The following AGK variants were observed in gnomAD, a reference collection of about 807,000 sequenced individuals.
AGK encodes acylglycerol kinase, mitochondrial.
Under a neutral mutation model 66.4 loss-of-function variants are expected in AGK, and 52 were observed. That is an observed-to-expected ratio of 0.78 (90% CI 0.63 to 0.99). The LOEUF (loss-of-function observed/expected upper bound fraction) is 0.99. Ranked by LOEUF, AGK falls within the 50% of genes least tolerant of loss-of-function variation. AGK has a pLI of 0.00. For missense variants in AGK, 451 were observed against 506.6 expected, an observed-to-expected ratio of 0.89 and a Z score of 1.05; for synonymous variants, 182 against 181.1, an observed-to-expected ratio of 1.00 and a Z score of -0.04.
At chr7:141,584,022 T>C (rs1162351518) in intron 2 of AGK, among the ~76,000 whole-genome samples, 2 of 151,624 alleles carry the variant, frequency 1.3e-5, no homozygotes, top group Admixed American at 1.3e-4. Context: ...GGTCCCTTGA[T>C]CTGAGTCATG....
chr7:141,615,562 T>C lies in AGK; in HGVS notation c.515T>C (p.Val172Ala). 1.2e-6 allele frequency: 2 copies of C among 1,611,992 alleles called. No individual in the cohort carries two copies. Among genetic ancestry groups the C allele is most frequent in the Non-Finnish European group, 1.7e-6 (2 of 1,178,128 alleles). The change falls in exon 8 of 16, where the codon GTC (valine) becomes GCC (alanine). Residue 172 changes from valine (V) to alanine (A), a missense_variant. Physicochemically the swap from Val to Ala is moderately conservative, Grantham distance 64. Transcript: ENST00000649286. ...CTCTTTGCCGAAAGTGGAAACAAAG[T>C]CCAGTAGGTTGTCAATGTGGGGAAT... is the stretch of plus-strand genomic sequence containing the variant. ...HTLFAESGNKVQHITDATLAI... is the reference protein window; with the variant it reads ...HTLFAESGNKAQHITDATLAI...
At chr7:141,559,727 A>G (rs946918364) in intron 2 of AGK, among the ~76,000 whole-genome samples, 5 of 152,134 alleles carry the variant, frequency 3.3e-5, no homozygotes, top group African/African-American at 1.2e-4. Flanking sequence ...TAATTTATGA[A>G]CACGGGATGT....
At chr7:141,604,119 A>T (rs1203340704) in intron 5 of AGK, among the ~76,000 whole-genome samples, 1 of 151,898 alleles carries the variant, frequency 6.6e-6, no homozygotes, top group African/African-American at 2.4e-5. Context: ...GAGATTAAAA[A>T]ATAAATAGAA....
At chr7:141,608,747 G>A (rs1230942804) in intron 5 of AGK, among the ~76,000 whole-genome samples, 3 of 152,196 alleles carry the variant, frequency 2.0e-5, no homozygotes, top group Non-Finnish European at 4.4e-5. Flanking sequence ...TTTCTAGCAT[G>A]TTGTTTCCAC....
At chr7:141,590,400 T>A (rs1796086841) in intron 2 of AGK, among the ~76,000 whole-genome samples, 1 of 151,936 alleles carries the variant, frequency 6.6e-6, no homozygotes. Context: ...TTAGGAGAGA[T>A]TGGAGGTACA....
At chr7:141,557,443 G>C (rs1795234165) in intron 2 of AGK, among the ~76,000 whole-genome samples, 1 of 152,216 alleles carries the variant, frequency 6.6e-6, no homozygotes. Flanking sequence ...AGGCCCCTTT[G>C]CTGGAGCATC....
At chr7:141,618,320 A>G (rs1796750224) in intron 8 of AGK, among the ~76,000 whole-genome samples, 1 of 152,202 alleles carries the variant, frequency 6.6e-6, no homozygotes, top group Admixed American at 6.5e-5. Flanking sequence ...TCATTTTGTG[A>G]CATGCTGGCT....
chr7:141,577,991 T>C (rs1447098136), intron 2 of AGK, among the ~76,000 whole-genome samples: 3 of 151,974 alleles, frequency 2.0e-5, no homozygotes, highest in Non-Finnish European at 4.4e-5. Flanking sequence ...TTTTTTGGAA[T>C]TTTTAGTAGA....
chr7:141,582,157 C>A (rs1185309226), intron 2 of AGK, among the ~76,000 whole-genome samples: 1 of 151,914 alleles, frequency 6.6e-6, no homozygotes, highest in African/African-American at 2.4e-5. Flanking sequence ...GTCCAATTTC[C>A]AGTGGGGTCC....
intron 5 of AGK, among the ~76,000 whole-genome samples, chr7:141,602,260 C>T (rs888216841): frequency 4.0e-5 from 6 of 149,696 alleles, no homozygotes; most frequent in Non-Finnish European, 5.9e-5. Flanking sequence ...TCTTGAACTC[C>T]TGGACTCAAG....
chr7:141,576,479 T>C (rs1409770065), intron 2 of AGK, among the ~76,000 whole-genome samples: 1 of 150,948 alleles, frequency 6.6e-6, no homozygotes, highest in Non-Finnish European at 1.5e-5. Context: ...ACAGAACAGG[T>C]AACTCAGGAT....
chr7:141,597,638 A>T (rs1433924319), intron 4 of AGK, among the ~76,000 whole-genome samples: 1 of 152,080 alleles, frequency 6.6e-6, no homozygotes, highest in Non-Finnish European at 1.5e-5. Context: ...TGAGAGCCTG[A>T]GGTGGGCAGA....
intron 5 of AGK, among the ~76,000 whole-genome samples, chr7:141,609,077 A>T (rs1796522140): frequency 6.6e-6 from 1 of 152,194 alleles, no homozygotes; most frequent in Admixed American, 6.5e-5. Flanking sequence ...GGAACTATTC[A>T]TCCTAAAATT....
intron 2 of AGK, among the ~76,000 whole-genome samples, chr7:141,567,058 A>C (rs137891261): frequency 6.6e-6 from 1 of 152,090 alleles, no homozygotes; most frequent in Non-Finnish European, 1.5e-5. Flanking sequence ...GATACTTTTC[A>C]TGCCACATTT....
Position 141,560,795 on chromosome 7 carries a change from C to CTTTTT in AGK, c.101+5243_101+5247dup, listed in dbSNP as rs71172604. ...CAGGTTGCTGCAAGTGCCATTCTTT[C>CTTTTT]TTTTTTTTTTTTTTTTTTTGAGCCG... is the stretch of plus-strand genomic sequence containing the variant. On this transcript the variant is annotated intron_variant, in intron 2 of 15. Transcript: ENST00000649286. Among the ~76,000 whole-genome samples the CTTTTT allele has an allele frequency of 2.1e-3, 265 of 123,948 alleles. 2 individuals carry two copies. The highest frequency in any genetic ancestry group is 0.011 in the East Asian group (45 of 4,268). 81.3% of individuals were successfully genotyped at this position (123,948 alleles called of 152,430 possible). A position where few individuals can be genotyped will look rare whatever the true frequency, so the allele number is the denominator to read the frequency against.
chr7:141,646,595 C>G (rs1797418853), intron 13 of AGK, among the ~76,000 whole-genome samples: 1 of 152,208 alleles, frequency 6.6e-6, no homozygotes, highest in Non-Finnish European at 1.5e-5. Context: ...GGACAGCCCA[C>G]AGGCCCGACT....
At chr7:141,554,739 C>T (rs913892354) in intron 1 of AGK, among the ~76,000 whole-genome samples, 1 of 152,158 alleles carries the variant, frequency 6.6e-6, no homozygotes, top group African/African-American at 2.4e-5. Flanking sequence ...TATAGTGTCA[C>T]TCTGTTTTTT....
intron 2 of AGK, among the ~76,000 whole-genome samples, chr7:141,587,346 A>G (rs923020432): frequency 1.1e-4 from 17 of 152,146 alleles, no homozygotes; most frequent in African/African-American, 4.1e-4. Flanking sequence ...CCTCTGACCA[A>G]TGCCTTCTTC....
At chr7:141,581,346 G>T (rs1479136711) in intron 2 of AGK, among the ~76,000 whole-genome samples, 3 of 151,862 alleles carry the variant, frequency 2.0e-5, no homozygotes, top group African/African-American at 7.3e-5. Flanking sequence ...GTGGAGGGAG[G>T]TATTGAGGAT....
Sources: gnomAD v4.1 joint callset for allele counts (sites outside exome capture counted in the v4.1 genomes callset) on GRCh38, gnomAD v4.1.1 for gene constraint, MANE v1.5 for transcripts, NCBI Gene and HGNC (gene_info 2026-07-23, HGNC 2026-07-21) for gene names.